ASXL2: variants seen among roughly 807,000 people sequenced by gnomAD.
The protein encoded by ASXL2 is putative Polycomb group protein ASXL2.
Under a neutral mutation model 122.0 loss-of-function variants are expected in ASXL2, and 23 were observed. The ratio of observed to expected loss-of-function variants is 0.19; its 90% CI spans 0.14 to 0.27. The LOEUF is 0.27. Ranked by LOEUF, ASXL2 falls within the 10% of genes least tolerant of loss-of-function variation. The pLI, the probability that ASXL2 is intolerant of heterozygous loss-of-function variation, is 1.00. For synonymous variants in ASXL2, 650 were observed against 637.0 expected (o/e 1.02, Z -0.31); for missense variants, 1,518 against 1,713.8 (o/e 0.89, Z 2.02).
chr2:25,764,386 T>C (rs2088306779), intron 8 of ASXL2, among the ~76,000 whole-genome samples: 1 of 152,180 alleles, frequency 6.6e-6, no homozygotes, highest in African/African-American at 2.4e-5. Flanking sequence ...AGAACTGTTG[T>C]GGGCCACACA....
intron 1 of ASXL2, among the ~76,000 whole-genome samples, chr2:25,858,447 A>G (rs912787169): frequency 6.6e-6 from 1 of 151,846 alleles, no homozygotes; most frequent in Non-Finnish European, 1.5e-5. Context: ...TTTTTTGGAC[A>G]GGCACAATGG....
At position 25,742,037 on chromosome 2, in the gene ASXL2, C is replaced by T. The variant is rs1401310124; in HGVS notation, c.4300G>A (p.Val1434Ile). 1.3e-5 allele frequency: 21 copies of T among 1,611,240 alleles called. No homozygotes were observed. Among genetic ancestry groups the T allele is most frequent in the African/African-American group, 2.7e-5 (2 of 74,900 alleles). Residue 1434 changes from valine to isoleucine, a missense_variant, in exon 13 of 13, where the codon GTT (valine) becomes ATT (isoleucine). Around this residue, in one of 8 missense-constraint regions of ASXL2, gnomAD observed 17 missense variants for 37.3 expected, o/e 0.46. Transcript: ENST00000435504. ...PSKLCVSCLV[V>I]R ...ATCTCTTTCTAGTCTCATTACCGAA[C>T]GACAAGGCAGGAGACGCACAGTTTG...
chr2:25,836,551 T>A (rs961593904), intron 2 of ASXL2, among the ~76,000 whole-genome samples: 30 of 152,186 alleles, frequency 2.0e-4, no homozygotes, highest in African/African-American at 7.0e-4. Context: ...TAACCTTAAA[T>A]ACTGTATGAA....
intron 5 of ASXL2, among the ~76,000 whole-genome samples, chr2:25,790,345 C>A: frequency 6.9e-6 from 1 of 144,926 alleles, no homozygotes. Context: ...GTGTGAGAAG[C>A]GCATGAGCAA....
intron 3 of ASXL2, chr2:25,810,313 C>A: frequency 1.5e-6 from 1 of 653,096 alleles, no homozygotes; most frequent in South Asian, 1.4e-5. Context: ...GCCTATTCTG[C>A]AGTGTGTTTA....
intron 1 of ASXL2, among the ~76,000 whole-genome samples, chr2:25,846,780 C>T (rs569783587): frequency 5.1e-4 from 77 of 152,298 alleles, no homozygotes; most frequent in African/African-American, 1.8e-3. Flanking sequence ...TGTGCCCCTG[C>T]ACTACAGCCT....
chr2:25,872,498 A>G (rs1248250331), intron 1 of ASXL2, among the ~76,000 whole-genome samples: 3 of 152,242 alleles, frequency 2.0e-5, no homozygotes, highest in Non-Finnish European at 4.4e-5. Context: ...AGTGAAAACT[A>G]ATAAGGTCAG....
intron 3 of ASXL2, among the ~76,000 whole-genome samples, chr2:25,824,529 A>G (rs1301952953): frequency 6.6e-6 from 1 of 152,086 alleles, no homozygotes; most frequent in Non-Finnish European, 1.5e-5. Flanking sequence ...CAGCAAATAG[A>G]TAGAAGTTTA....
At chr2:25,761,919 T>C (rs1482535718) in intron 8 of ASXL2, among the ~76,000 whole-genome samples, 2 of 151,988 alleles carry the variant, frequency 1.3e-5, no homozygotes, top group South Asian at 2.1e-4. Context: ...AAGAAAATCA[T>C]TGCAGAATGG....
chr2:25,838,321 C>T (rs1400437153), intron 2 of ASXL2, among the ~76,000 whole-genome samples: 3 of 152,198 alleles, frequency 2.0e-5, no homozygotes, highest in African/African-American at 7.2e-5. Context: ...ATCCACTGAA[C>T]TAGAGCCCTG....
chr2:25,833,253 T>C (rs2089474511), intron 3 of ASXL2, among the ~76,000 whole-genome samples: 2 of 152,238 alleles, frequency 1.3e-5, no homozygotes, highest in African/African-American at 4.8e-5. Context: ...TTGTACAATG[T>C]TACCATTAGG....
intron 3 of ASXL2, among the ~76,000 whole-genome samples, chr2:25,832,756 T>C (rs77496671): frequency 6.6e-6 from 1 of 152,230 alleles, no homozygotes; most frequent in South Asian, 2.1e-4. Flanking sequence ...AGAAGTTTTA[T>C]TTTTAATAGC....
chr2:25,811,255 A>AAAAT (rs556216686), intron 3 of ASXL2, among the ~76,000 whole-genome samples: 130 of 152,036 alleles, frequency 8.6e-4, no homozygotes, highest in South Asian at 4.8e-3. Context: ...CATGGCTTAA[A>AAAAT]AAATAAATAA....
At chr2:25,779,084 A>ATTTTTT (rs33911748) in intron 5 of ASXL2, among the ~76,000 whole-genome samples, 48 of 99,400 alleles carry the variant, frequency 4.8e-4, no homozygotes, top group Non-Finnish European at 6.8e-4. Flanking sequence ...CTTTTTTCTG[A>ATTTTTT]TTTTTTTTTT....
At chr2:25,799,573 C>T in intron 4 of ASXL2, 38 bp from the exon 5 acceptor site, 1 of 1,552,230 alleles carries the variant, frequency 6.4e-7, no homozygotes, top group South Asian at 1.2e-5. Flanking sequence ...TAATCATTAC[C>T]ATTTAAGCAA....
rs937847947 is a variant in ASXL2 at position 25,744,780 on chromosome 2, TAC to T, written c.1861-306_1861-305del. 4.7e-4 allele frequency among the ~76,000 whole-genome samples: 72 copies of T among 152,324 alleles called. No individual in the cohort carries two copies. The highest frequency in any genetic ancestry group is 1.7e-3 in the African/African-American group (69 of 41,568). ...CCACTATTACAAGTGCTTATTATGA[TAC>T]AAAGTTTTCTATGGTATTTGCATTT... On this transcript the variant is annotated intron_variant, in intron 12 of 12. Coordinates refer to ENST00000435504, the MANE Select transcript of ASXL2 (RefSeq NM_018263.6). The surrounding 1 kb of genome is among the most constrained non-coding windows in gnomAD (Gnocchi z 4.7).
rs1249025549 is a variant in ASXL2 at position 25,749,826 on chromosome 2, G to C, written c.1730C>G (p.Ala577Gly). ...TGGCCTCTTCTCCCAGCTCACAGGG[G>C]CCTCTTCTTGGGTGAGGGAAGACTT... ...KRKSSLTQEE[A>G]PVSWEKRPRV... The change falls in exon 12 of 13, where the codon GCC becomes GGC. Residue 577 changes from alanine to glycine, a missense_variant. Transcript: ENST00000435504. 5 of 1,610,358 alleles carry C rather than the reference G, an allele frequency of 3.1e-6. No individual in the cohort carries two copies. Among genetic ancestry groups the C allele is most frequent in the Non-Finnish European group, 4.2e-6 (5 of 1,178,960 alleles).
Position 25,878,472 on chromosome 2 carries a change from G to A in ASXL2, c.-250C>T. On this transcript the variant is annotated 5_prime_UTR_variant, in exon 1 of 13. Transcript: ENST00000435504. Reference sequence around the variant, plus strand: ...ATATTGGGTTCTTACTGTACAGGCTGCCGCTACGGTCATGTGACCGCTCCC... The same window carrying A: ...ATATTGGGTTCTTACTGTACAGGCTACCGCTACGGTCATGTGACCGCTCCC... 1.9e-6 allele frequency: 1 copy of A among 518,798 alleles called. No homozygotes were observed. Among genetic ancestry groups the A allele is most frequent in the Non-Finnish European group, 3.4e-6 (1 of 292,446 alleles). 32.1% of individuals were successfully genotyped at this position (518,798 alleles called of 1,614,324 possible).
intron 2 of ASXL2, among the ~76,000 whole-genome samples, chr2:25,843,280 C>T (rs1341135319): frequency 1.4e-5 from 2 of 140,082 alleles, no homozygotes; most frequent in East Asian, 2.1e-4. Flanking sequence ...CCAGCCTGGG[C>T]GACACAGAGA....
Sources: allele counts gnomAD v4.1 joint callset (sites outside exome capture counted in the v4.1 genomes callset), GRCh38; gene constraint gnomAD v4.1.1; regional missense constraint gnomAD v4.1.1; non-coding constraint Gnocchi (gnomAD v3.1); transcripts MANE v1.5; gene names NCBI Gene and HGNC (gene_info 2026-07-23, HGNC 2026-07-21).